Variants in STYXL1 observed in about 807,000 individuals in gnomAD.
STYXL1 encodes serine/threonine/tyrosine interacting like 1, also known as serine/threonine/tyrosine-interacting-like protein 1.
In STYXL1, 32 loss-of-function variants were observed where a neutral mutation model predicts 36.4. That is an observed-to-expected ratio of 0.88 (90% confidence interval 0.66 to 1.18). The LOEUF (loss-of-function observed/expected upper bound fraction) is 1.18. Ranked by LOEUF, STYXL1 falls within the 50% of genes most tolerant of loss-of-function variation. The pLI is 0.00. For synonymous variants in STYXL1, 133 were observed against 144.1 expected, an observed-to-expected ratio of 0.92 and a Z score of 0.55; for missense variants, 354 against 394.1, an observed-to-expected ratio of 0.90 and a Z score of 0.86.
chr7:76,026,168 G>T (rs1365712849), intron 3 of STYXL1, among the ~76,000 whole-genome samples: 1 of 94,818 alleles, frequency 1.1e-5, no homozygotes, highest in Non-Finnish European at 1.9e-5. Flanking sequence ...CTCCAGCCTG[G>T]AGGACAGAGC....
At chr7:75,999,149 A>AATAT (rs1484414461) in intron 8 of STYXL1, 5 of 153,254 alleles carry the variant, frequency 3.3e-5, no homozygotes, top group Admixed American at 6.5e-5. Flanking sequence ...AAAAAAAATA[A>AATAT]ATAAATAAAA....
intron 7 of STYXL1, among the ~76,000 whole-genome samples, chr7:76,003,135 T>TA (rs1167948956): frequency 6.6e-6 from 1 of 151,958 alleles, no homozygotes; most frequent in South Asian, 2.1e-4. Flanking sequence ...CTTGATGAGT[T>TA]AAGTAACTGG....
At chr7:76,022,664 C>A (rs1292044753) in intron 3 of STYXL1, among the ~76,000 whole-genome samples, 4 of 151,784 alleles carry the variant, frequency 2.6e-5, no homozygotes, top group Non-Finnish European at 5.9e-5. Flanking sequence ...GACCCTGTCC[C>A]AAAACAACAA....
chr7:76,027,098 G>A (rs919369505), intron 3 of STYXL1, among the ~76,000 whole-genome samples: 3 of 151,904 alleles, frequency 2.0e-5, no homozygotes, highest in African/African-American at 7.3e-5. Context: ...AAAGAAACCA[G>A]GAAAGTCAAA....
intron 3 of STYXL1, among the ~76,000 whole-genome samples, chr7:76,024,939 ACTC>A (rs1406186849): frequency 1.2e-5 from 1 of 85,884 alleles, no homozygotes; most frequent in African/African-American, 5.1e-5. Context: ...ACAGAGTGAG[ACTC>A]TGTCTCAAAA....
chr7:76,034,565 G>A (rs1291111054), intron 1 of STYXL1, among the ~76,000 whole-genome samples: 7 of 151,986 alleles, frequency 4.6e-5, no homozygotes, highest in East Asian at 3.9e-4. Flanking sequence ...GAATGCCCCC[G>A]GGCTTACTTT....
chr7:76,003,034 G>A (rs1791185752), intron 7 of STYXL1, among the ~76,000 whole-genome samples: 2 of 152,232 alleles, frequency 1.3e-5, no homozygotes, highest in South Asian at 4.1e-4. Flanking sequence ...GGCATGGGGT[G>A]GGGACTCTGA....
rs540439989 is a variant in STYXL1, at chr7:76,004,724, A to C, written c.599+535T>G. ...ATCTCAAAAAATAATAAAATAGGCCAGGCGCGGTGGCTCATGCCTGTAATC... is the reference window on the plus strand; with the variant it reads ...ATCTCAAAAAATAATAAAATAGGCCCGGCGCGGTGGCTCATGCCTGTAATC... On this transcript the variant is annotated intron_variant, in intron 6 of 8. Coordinates refer to ENST00000359697, the MANE Select transcript of STYXL1 (RefSeq NM_001317785.2). 2.7e-5 allele frequency among the ~76,000 whole-genome samples: 4 copies of C among 149,870 alleles called. No homozygotes were observed. The South Asian group carries it at 8.5e-4, about 32-fold the overall frequency.
intron 5 of STYXL1, among the ~76,000 whole-genome samples, chr7:76,010,838 G>C (rs1223163103): frequency 6.6e-6 from 1 of 152,116 alleles, no homozygotes; most frequent in Non-Finnish European, 1.5e-5. Flanking sequence ...GATGAGACTT[G>C]ATTCAGATTT....
In STYXL1 at chr7:76,038,505, G is replaced by A. The variant is rs896696323; in HGVS notation, c.-4-7978C>T. ...CAGTGGCACGATCTCAGCTCACTGC[G>A]AGCTCTGCCTCCTGGGTTCCCGCCA... On this transcript the variant is annotated intron_variant, in intron 1 of 8. Transcript: ENST00000359697. 3.5e-5 allele frequency among the ~76,000 whole-genome samples: 5 copies of A among 143,852 alleles called. 1 individual carries two copies. The highest frequency in any genetic ancestry group is 1.0e-4 in the African/African-American group (4 of 38,834). 94.4% of individuals were successfully genotyped at this position (143,852 alleles called of 152,430 possible).
At chr7:76,042,468 G>A (rs56320636) in intron 1 of STYXL1, among the ~76,000 whole-genome samples, 16,963 of 134,668 alleles carry the variant, frequency 0.13, 2,044 homozygotes, top group African/African-American at 0.32. Flanking sequence ...ACAGCGGCGC[G>A]ATCTCAGCTC....
chr7:76,018,144 G>A (rs1011447013), intron 4 of STYXL1, among the ~76,000 whole-genome samples: 2 of 151,922 alleles, frequency 1.3e-5, no homozygotes, highest in Admixed American at 1.3e-4. Context: ...TGGGACTACA[G>A]GTGTGAGCGA....
At chr7:76,018,965 CCAT>C (rs1793720821) in intron 4 of STYXL1, among the ~76,000 whole-genome samples, 1 of 152,204 alleles carries the variant, frequency 6.6e-6, no homozygotes, top group African/African-American at 2.4e-5. Flanking sequence ...TCCAATTTCT[CCAT>C]GTTCTCACCA....
intron 1 of STYXL1, among the ~76,000 whole-genome samples, chr7:76,035,883 C>T (rs539014368): frequency 6.7e-6 from 1 of 149,968 alleles, no homozygotes; most frequent in South Asian, 2.2e-4. Flanking sequence ...AGATCCTTCT[C>T]CTTCTCAAAG....
chr7:76,042,886 C>T (rs1297435497), intron 1 of STYXL1, among the ~76,000 whole-genome samples: 3 of 152,180 alleles, frequency 2.0e-5, no homozygotes, highest in African/African-American at 7.2e-5. Context: ...AAGCCAGCCC[C>T]TAGGGTAGCT....
chr7:76,022,736 C>T (rs1379378902), intron 3 of STYXL1, among the ~76,000 whole-genome samples: 1 of 151,816 alleles, frequency 6.6e-6, no homozygotes, highest in African/African-American at 2.4e-5. Context: ...AAGCAGAAGT[C>T]ATGAGTGAGC....
intron 6 of STYXL1, among the ~76,000 whole-genome samples, chr7:76,004,871 G>T (rs2116792036): frequency 6.7e-6 from 1 of 148,740 alleles, no homozygotes; most frequent in South Asian, 2.1e-4. Context: ...CGTGGTGGCG[G>T]GCGCCTGTAG....
intron 1 of STYXL1, among the ~76,000 whole-genome samples, chr7:76,038,999 C>G (rs139183645): frequency 0.011 from 1,508 of 142,082 alleles, 182 homozygotes; most frequent in African/African-American, 0.038. Context: ...CTAGGCTGTA[C>G]TGCAGTGGTG....
chr7:76,011,940 C>T (rs553608574), intron 5 of STYXL1, among the ~76,000 whole-genome samples: 1 of 152,330 alleles, frequency 6.6e-6, no homozygotes, highest in Non-Finnish European at 1.5e-5. Flanking sequence ...ACAAAACTGA[C>T]CATGAGTTGA....
Sources: allele counts gnomAD v4.1 joint callset (sites outside exome capture counted in the v4.1 genomes callset), GRCh38; gene constraint gnomAD v4.1.1; transcripts MANE v1.5; gene names NCBI Gene and HGNC (gene_info 2026-07-23, HGNC 2026-07-21).